Variants in NOX4 observed in about 807,000 individuals in gnomAD.
The protein encoded by NOX4 is NADPH oxidase 4.
A neutral mutation model predicts 87.6 loss-of-function variants in NOX4; 69 were observed. The observed-to-expected ratio is 0.79, with a 90% CI of 0.65 to 0.96. NOX4 has a LOEUF of 0.96. Ranked by LOEUF, NOX4 falls within the 40% of genes least tolerant of loss-of-function variation. NOX4 has a pLI of 0.00. For missense variants in NOX4, 680 were observed against 681.5 expected (o/e 1.00, Z 0.02); for synonymous variants, 275 against 238.2 (o/e 1.15, Z -1.42).
the NOX4 span, among the ~76,000 whole-genome samples, chr11:89,569,917 G>T: frequency 1.3e-5 from 2 of 151,560 alleles, no homozygotes; most frequent in South Asian, 4.2e-4. Flanking sequence ...CAGGAGAATG[G>T]CACGAACCTG....
At chr11:89,491,136 C>T (rs1843927679) in intron 1 of NOX4, 54 bp downstream of exon 1, 2 of 1,552,808 alleles carry the variant, frequency 1.3e-6, no homozygotes, top group African/African-American at 1.4e-5. Flanking sequence ...GAGAATGAAT[C>T]AAAATCACTG....
the NOX4 span, among the ~76,000 whole-genome samples, chr11:89,586,474 T>A: frequency 6.6e-6 from 1 of 152,184 alleles, no homozygotes; most frequent in Non-Finnish European, 1.5e-5. Flanking sequence ...GCTTTGAGTA[T>A]AGGCCTGCCA....
the NOX4 span, among the ~76,000 whole-genome samples, chr11:89,536,021 C>A: frequency 1.3e-5 from 2 of 151,978 alleles, no homozygotes; most frequent in East Asian, 3.9e-4. Context: ...TCAATATGCT[C>A]CCGGGGTTTT....
the NOX4 span, among the ~76,000 whole-genome samples, chr11:89,540,786 T>TAAAA: frequency 6.4e-4 from 28 of 43,520 alleles, 1 homozygote; most frequent in East Asian, 2.3e-3. Context: ...AGACTCCGTC[T>TAAAA]AAAAAAAAAA....
At chr11:89,431,343 A>C (rs552994528) in intron 7 of NOX4, among the ~76,000 whole-genome samples, 2,157 of 152,286 alleles carry the variant, frequency 0.014, 59 homozygotes, top group African/African-American at 0.049. Flanking sequence ...ACAAAAGCCA[A>C]AATTGAAAAT....
At chr11:89,476,518 A>T (rs1946175660) in intron 2 of NOX4, among the ~76,000 whole-genome samples, 1 of 151,932 alleles carries the variant, frequency 6.6e-6, no homozygotes, top group African/African-American at 2.4e-5. Context: ...ATTTATCCTA[A>T]TCTGACTAAA....
the NOX4 span, among the ~76,000 whole-genome samples, chr11:89,519,106 A>T: frequency 6.6e-6 from 1 of 152,196 alleles, no homozygotes; most frequent in Non-Finnish European, 1.5e-5. Context: ...GTCTTCAATT[A>T]CATTATAAAG....
At chr11:89,363,110 T>G (rs1163496753) in intron 12 of NOX4, among the ~76,000 whole-genome samples, 1 of 152,054 alleles carries the variant, frequency 6.6e-6, no homozygotes, top group African/African-American at 2.4e-5. Flanking sequence ...AAATAAGTGC[T>G]AAAGGTATGC....
chr11:89,461,165 G>C (rs1400153116), intron 2 of NOX4, among the ~76,000 whole-genome samples: 2 of 151,960 alleles, frequency 1.3e-5, no homozygotes, highest in South Asian at 2.1e-4. Flanking sequence ...TTGTGGGGTG[G>C]GGGGAGCCGG....
chr11:89,447,834 C>T (rs1476603572), intron 4 of NOX4, among the ~76,000 whole-genome samples: 1 of 152,134 alleles, frequency 6.6e-6, no homozygotes, highest in African/African-American at 2.4e-5. Flanking sequence ...CTCATCCTCA[C>T]TGAACTGCTA....
At chr11:89,404,337 C>T (rs1942045902) in intron 8 of NOX4, among the ~76,000 whole-genome samples, 1 of 152,146 alleles carries the variant, frequency 6.6e-6, no homozygotes, top group Non-Finnish European at 1.5e-5. Flanking sequence ...GTTGAACAGA[C>T]ATGAGCATAA....
chr11:89,330,870 G>A (rs577503461), intron 17 of NOX4, among the ~76,000 whole-genome samples: 112 of 152,132 alleles, frequency 7.4e-4, no homozygotes, highest in South Asian at 3.3e-3. Flanking sequence ...TGATGGAACT[G>A]TAAAGACAGA....
the NOX4 span, among the ~76,000 whole-genome samples, chr11:89,527,510 C>G: frequency 3.9e-5 from 6 of 152,232 alleles, no homozygotes; most frequent in African/African-American, 1.4e-4. Flanking sequence ...GGAGGGAAAA[C>G]TGGTTTTGTG....
the NOX4 span, among the ~76,000 whole-genome samples, chr11:89,549,059 T>C: frequency 6.6e-6 from 1 of 152,218 alleles, no homozygotes; most frequent in Non-Finnish European, 1.5e-5. Flanking sequence ...AAAACTTTAA[T>C]TAACTATTTT....
chr11:89,585,258 C>G, the NOX4 span, among the ~76,000 whole-genome samples: 1 of 152,216 alleles, frequency 6.6e-6, no homozygotes, highest in African/African-American at 2.4e-5. Context: ...CAATGCTGCT[C>G]CTCCTGGACA....
chr11:89,510,400 C>T, the NOX4 span, among the ~76,000 whole-genome samples: 1 of 152,010 alleles, frequency 6.6e-6, no homozygotes, highest in Non-Finnish European at 1.5e-5. Context: ...AAATACTCTT[C>T]CATATTTCTG....
chr11:89,465,318 C>T (rs1391395295), intron 2 of NOX4, among the ~76,000 whole-genome samples: 4 of 151,054 alleles, frequency 2.6e-5, no homozygotes, highest in African/African-American at 4.9e-5. Flanking sequence ...ATGAACTCAC[C>T]CTTTTTTATG....
intron 2 of NOX4, among the ~76,000 whole-genome samples, chr11:89,467,306 G>A (rs1030098654): frequency 1.6e-4 from 19 of 122,366 alleles, no homozygotes; most frequent in East Asian, 7.7e-4. Context: ...AGGCCAGATC[G>A]CACCATTGCA....
the NOX4 span, among the ~76,000 whole-genome samples, chr11:89,569,447 T>A: frequency 1.3e-5 from 2 of 152,094 alleles, no homozygotes; most frequent in South Asian, 2.1e-4. Context: ...CCAACAAGCA[T>A]ATGAAAAAAT....
Sources: gnomAD v4.1 joint callset for allele counts (sites outside exome capture counted in the v4.1 genomes callset) on GRCh38, gnomAD v4.1.1 for gene constraint, MANE v1.5 for transcripts, NCBI Gene and HGNC (gene_info 2026-07-23, HGNC 2026-07-21) for gene names.